ZDHHC4: variants seen among roughly 807,000 people sequenced by gnomAD.
ZDHHC4 encodes zDHHC palmitoyltransferase 4.
Under a neutral mutation model 36.7 loss-of-function variants are expected in ZDHHC4, and 42 were observed. That is an observed-to-expected ratio of 1.14 (90% CI 0.89 to 1.48). ZDHHC4 has a LOEUF of 1.48. ZDHHC4 is among the 40% of genes most tolerant of loss of function. The pLI is 0.00. For synonymous variants in ZDHHC4, 189 were observed against 166.6 expected, an observed-to-expected ratio of 1.13 and a Z score of -1.03; for missense variants, 457 against 421.5, an observed-to-expected ratio of 1.08 and a Z score of -0.74.
intron 7 of ZDHHC4, among the ~76,000 whole-genome samples, chr7:6,587,017 C>T (rs1482917983): frequency 6.7e-6 from 1 of 149,624 alleles, no homozygotes; most frequent in African/African-American, 2.4e-5. Context: ...TACATTCCAC[C>T]TAGAAGTGGC....
Position 6,585,014 on chromosome 7 carries a change from A to AGGTGTGTGTAACT in ZDHHC4, c.504_516dup. ...AGCACGTGCCCCCTTGTTTCTGTGCAGGTGTGTGTAACTGGTGTGTGCACC... is the reference window on the plus strand; with the variant it reads ...AGCACGTGCCCCCTTGTTTCTGTGCAGGTGTGTGTAACTGGTGTGTGTAACTGGTGTGTGCACC... On this transcript the variant is annotated splice_acceptor_variant, in intron 6 of 7. Transcript: ENST00000335965. LOFTEE classifies it high-confidence loss of function. 1 of 1,614,090 alleles carries AGGTGTGTGTAACT rather than the reference A, an allele frequency of 6.2e-7. No homozygotes were observed. Among genetic ancestry groups the AGGTGTGTGTAACT allele is most frequent in the Non-Finnish European group, 8.5e-7 (1 of 1,179,972 alleles).
At position 6,587,687 on chromosome 7, in the gene ZDHHC4, A is replaced by G. The variant is rs184159144; in HGVS notation, c.742-930A>G. Among the ~76,000 whole-genome samples the G allele has an allele frequency of 2.6e-5, 4 of 152,202 alleles. No individual in the cohort carries two copies. The East Asian group carries it at 7.7e-4, about 29-fold the overall frequency. Reference sequence around the variant, plus strand: ...TGGCTCCTCGTTTTCCCATTGTGTGACCATCCCAGAGTTTACCCTTCCTGA... The same window carrying G: ...TGGCTCCTCGTTTTCCCATTGTGTGGCCATCCCAGAGTTTACCCTTCCTGA... On this transcript the variant is annotated intron_variant, in intron 7 of 7. Transcript: ENST00000335965.
intron 5 of ZDHHC4, 95 bp downstream of exon 5, chr7:6,582,346 A>T (rs1253371891): frequency 8.6e-7 from 1 of 1,168,582 alleles, no homozygotes. Context: ...AGGACTTTGT[A>T]AAAGATTTGA....
Position 6,588,897 on chromosome 7 carries a change from A to G in ZDHHC4, c.1022A>G (p.Lys341Arg). The G allele has an allele frequency of 1.2e-6, 2 of 1,606,062 alleles. No individual in the cohort carries two copies. Among genetic ancestry groups the G allele is most frequent in the Non-Finnish European group, 1.7e-6 (2 of 1,173,134 alleles). The change falls in exon 8 of 8, where the codon AAG (lysine) becomes AGG (arginine). Residue 341 changes from lysine (K) to arginine (R), a missense_variant. Lys to Arg is a conservative substitution (Grantham distance 26, BLOSUM62 2). Coordinates refer to ENST00000335965, the MANE Select transcript of ZDHHC4 (RefSeq NM_001134389.2). ...FLPAFPCHERKKQE is the reference protein window; with the variant it reads ...FLPAFPCHERRKQE ...CCTGCCTTTCCATGTCATGAGAGGAAGAAACAAGAATGACAAGTGTATGAC... is the reference window on the plus strand; with the variant it reads ...CCTGCCTTTCCATGTCATGAGAGGAGGAAACAAGAATGACAAGTGTATGAC...
chr7:6,589,142 C>A lies in ZDHHC4; in HGVS notation c.*232C>A. On this transcript the variant is annotated 3_prime_UTR_variant, in exon 8 of 8. Transcript: ENST00000335965. ...TCAAGGGGATCAAGAGATGACTTCT[C>A]AGAGGTTCTAGGTGATGCTGAGACC... The A allele has an allele frequency of 1.9e-6, 1 of 538,246 alleles. No homozygotes were observed. Among genetic ancestry groups the A allele is most frequent in the Non-Finnish European group, 3.3e-6 (1 of 301,490 alleles). 33.3% of individuals were successfully genotyped at this position (538,246 alleles called of 1,614,324 possible).
intron 5 of ZDHHC4, 70 bp from the exon 6 acceptor site, chr7:6,583,236 C>A: frequency 6.5e-7 from 1 of 1,527,992 alleles, no homozygotes; most frequent in Non-Finnish European, 8.9e-7. Context: ...TGTGTTTTAT[C>A]AGGACGGGTT....
intron 7 of ZDHHC4, 70 bp from the exon 8 acceptor site, chr7:6,588,547 T>A: frequency 6.5e-7 from 1 of 1,531,978 alleles, no homozygotes. Flanking sequence ...AGGCCCAGGG[T>A]TGGCCAGTGT....
chr7:6,582,658 C>G (rs980611982), intron 5 of ZDHHC4, among the ~76,000 whole-genome samples: 6 of 152,096 alleles, frequency 3.9e-5, no homozygotes, highest in African/African-American at 1.4e-4. Flanking sequence ...GCTAGGACTA[C>G]AGGCGTGCGC....
rs781761812 is a variant in ZDHHC4 at position 6,588,774 on chromosome 7, G to A, written c.899G>A (p.Arg300His). The A allele has an allele frequency of 1.4e-5, 22 of 1,614,088 alleles. No individual in the cohort carries two copies. In the Admixed American group the frequency reaches 2.0e-4, roughly 15 times the overall value. Residue 300 changes from arginine to histidine, a missense_variant, in exon 8 of 8, where the codon CGT (arginine) becomes CAT (histidine). By Grantham distance (29) the Arg-to-His change is conservative (BLOSUM62 0). Transcript: ENST00000335965. Reference protein sequence around the residue: ...WYRGDWAWCQRCPLVAWPPSA... With the variant: ...WYRGDWAWCQHCPLVAWPPSA... ...AGAGGTGACTGGGCCTGGTGCCAGC[G>A]TTGTCCCCTTGTGGCCTGGCCTCCG...
intron 3 of ZDHHC4, among the ~76,000 whole-genome samples, chr7:6,581,328 T>A (rs1780839002): frequency 6.6e-6 from 1 of 152,198 alleles, no homozygotes; most frequent in Non-Finnish European, 1.5e-5. Context: ...GGCCTTCACA[T>A]TGACATTCCC....
intron 7 of ZDHHC4, 118 bp downstream of exon 7, chr7:6,585,378 C>A: frequency 1.4e-6 from 2 of 1,390,938 alleles, no homozygotes; most frequent in Non-Finnish European, 1.9e-6. Context: ...AATCCCAGCA[C>A]TTTTGGAGGC....
intron 7 of ZDHHC4, 125 bp downstream of exon 7, chr7:6,585,385 A>G: frequency 7.4e-7 from 1 of 1,347,216 alleles, no homozygotes; most frequent in Non-Finnish European, 9.9e-7. Flanking sequence ...GCACTTTTGG[A>G]GGCCGAGGTG....
rs542334530 is a variant in ZDHHC4, at chr7:6,589,205, G to C, written c.*295G>C. 2.0e-4 allele frequency: 77 copies of C among 387,986 alleles called. 1 individual carries two copies. The highest frequency in any genetic ancestry group is 1.5e-3 in the African/African-American group (72 of 49,362). 24.0% of individuals were successfully genotyped at this position (387,986 alleles called of 1,614,324 possible). A position where few individuals can be genotyped will look rare whatever the true frequency, so the allele number is the denominator to read the frequency against. On this transcript the variant is annotated 3_prime_UTR_variant, in exon 8 of 8. Coordinates refer to ENST00000335965, the MANE Select transcript of ZDHHC4 (RefSeq NM_001134389.2). Reference sequence around the variant, plus strand: ...AACTCTGGGCATGTGGACAGGAGGGGCTTGCGGCCGTGTCTCTGACCTGTG... The same window carrying C: ...AACTCTGGGCATGTGGACAGGAGGGCCTTGCGGCCGTGTCTCTGACCTGTG...
Position 6,581,638 on chromosome 7 carries a change from A to G in ZDHHC4, c.149A>G (p.Gln50Arg). The change falls in exon 4 of 8, where the codon CAG becomes CGG. Residue 50 changes from glutamine to arginine, a missense_variant. Physicochemically the swap from Gln to Arg is conservative, Grantham distance 43. Transcript: ENST00000335965. ...TCCTGTATAATTCCAGAATGTCTTC[A>G]GAGAGCCGTGCATGGATTGCTTCAT... Reference protein sequence around the residue: ...IFSCIIPECLQRAVHGLLHYL... With the variant: ...IFSCIIPECLRRAVHGLLHYL... 6.2e-7 allele frequency: 1 copy of G among 1,612,100 alleles called. No homozygotes were observed. The highest frequency in any genetic ancestry group is 8.5e-7 in the Non-Finnish European group (1 of 1,178,424).
chr7:6,580,702 C>A, intron 3 of ZDHHC4, 24 bp downstream of exon 3: 3 of 1,602,518 alleles, frequency 1.9e-6, no homozygotes, highest in Non-Finnish European at 2.6e-6. Context: ...TTGGATGGCA[C>A]TGGAATTTGA....
In ZDHHC4 at chr7:6,589,003, C is replaced by A. The variant is rs1781477690; in HGVS notation, c.*93C>A. On this transcript the variant is annotated 3_prime_UTR_variant, in exon 8 of 8. Transcript: ENST00000335965. The stretch of plus-strand genomic sequence containing the variant: ...CATGGCTTGTTTGTTTTGATTTCTG[C>A]TGTGCTTATAAATCACTTTCGGTGG... The A allele has an allele frequency of 2.0e-6, 3 of 1,477,684 alleles. No homozygotes were observed. The highest frequency in any genetic ancestry group is 4.6e-5 in the East Asian group (2 of 43,728). 91.5% of individuals were successfully genotyped at this position (1,477,684 alleles called of 1,614,324 possible).
chr7:6,583,344 G>A lies in ZDHHC4; in HGVS notation c.409G>A (p.Val137Ile), dbSNP rs369797138. Residue 137 changes from valine to isoleucine, a missense_variant, in exon 6 of 8, where the codon GTT becomes ATT. By Grantham distance (29) the Val-to-Ile change is conservative. Transcript: ENST00000335965. The stretch of plus-strand genomic sequence containing the variant: ...AGCAAATGAATTATTATTTCTTCAT[G>A]TTTATGAATTTGATGAAGTGATGTT... Reference protein sequence around the residue: ...TKANELLFLHVYEFDEVMFPK... With the variant: ...TKANELLFLHIYEFDEVMFPK... 1 of 1,613,588 alleles carries A rather than the reference G, an allele frequency of 6.2e-7. No homozygotes were observed. Among genetic ancestry groups the A allele is most frequent in the African/African-American group, 1.3e-5 (1 of 74,896 alleles).
chr7:6,578,472 A>T (rs1169842219), intron 1 of ZDHHC4, 94 bp from the exon 2 acceptor site: 1 of 152,090 alleles, frequency 6.6e-6, no homozygotes, highest in African/African-American at 2.4e-5. Context: ...GGTGCTGAAA[A>T]TCCCCTACTT....
intron 2 of ZDHHC4, among the ~76,000 whole-genome samples, chr7:6,580,239 G>A (rs187213278): frequency 7.7e-4 from 117 of 152,048 alleles, no homozygotes; most frequent in Non-Finnish European, 1.3e-3. Context: ...GAGCTCAAGC[G>A]ATCCACCCAC....
Sources: allele counts gnomAD v4.1 joint callset (sites outside exome capture counted in the v4.1 genomes callset), GRCh38; gene constraint gnomAD v4.1.1; transcripts MANE v1.5; gene names NCBI Gene and HGNC (gene_info 2026-07-23, HGNC 2026-07-21).